WDR36: variants seen among roughly 807,000 people sequenced by gnomAD.
The protein encoded by WDR36 is WD repeat domain 36, also known as WD repeat-containing protein 36.
A neutral mutation model predicts 112.7 loss-of-function variants in WDR36; 63 were observed. The observed-to-expected ratio is 0.56, with a 90% CI of 0.46 to 0.69. WDR36 has a LOEUF of 0.69. Among genes scored for constraint, WDR36 ranks in the 30% least tolerant of loss-of-function variants. WDR36 has a pLI of 0.00. For missense variants in WDR36, 1,226 were observed against 1,070.3 expected, an observed-to-expected ratio of 1.15 and a Z score of -2.03; for synonymous variants, 410 against 362.2, an observed-to-expected ratio of 1.13 and a Z score of -1.50.
chr5:111,114,192 C>G (rs1012298651), intron 16 of WDR36, among the ~76,000 whole-genome samples: 2 of 151,888 alleles, frequency 1.3e-5, no homozygotes, highest in Non-Finnish European at 2.9e-5. Context: ...GGTATAGATA[C>G]CATTTAAAAT....
chr5:111,094,905 T>C lies in WDR36; in HGVS notation c.163-15T>C. On this transcript the variant is annotated splice_polypyrimidine_tract_variant and intron_variant, in intron 1 of 22. Transcript: ENST00000513710. ...TTTGTTAATGAAAATTTAACCTTTT[T>C]TCTTTTTTAAACAGGTTCAGAAACT... 6.3e-7 allele frequency: 1 copy of C among 1,593,030 alleles called. No homozygotes were observed. The highest frequency in any genetic ancestry group is 2.2e-5 in the East Asian group (1 of 44,572).
In WDR36 at chr5:111,094,822, G is replaced by A. The variant is rs878938638; in HGVS notation, c.163-98G>A. 1.8e-4 allele frequency: 174 copies of A among 984,810 alleles called. 1 individual carries two copies. In the South Asian group the frequency reaches 2.4e-3, roughly 14 times the overall value. The allele number at this position is 984,810 out of a possible 1,614,324, so 61.0% of individuals were successfully genotyped here. On this transcript the variant is annotated intron_variant, in intron 1 of 22. Coordinates refer to ENST00000513710, the MANE Select transcript of WDR36 (RefSeq NM_139281.3). Reference sequence around the variant, plus strand: ...TGTCTTTCTTATGAAGGACAGCATAGCAAATATACGTATGAGGTTATATCT... The same window carrying A: ...TGTCTTTCTTATGAAGGACAGCATAACAAATATACGTATGAGGTTATATCT...
intron 6 of WDR36, 37 bp from the exon 7 acceptor site, chr5:111,103,749 C>T: frequency 6.2e-7 from 1 of 1,608,672 alleles, no homozygotes; most frequent in Non-Finnish European, 8.5e-7. Context: ...AGCTATTTTG[C>T]TTAAGAAAGT....
chr5:111,097,695 A>G (rs781768812), intron 3 of WDR36, among the ~76,000 whole-genome samples: 12 of 152,212 alleles, frequency 7.9e-5, no homozygotes, highest in Non-Finnish European at 1.0e-4. Context: ...GTCTAAATCT[A>G]CCAGTTGGTT....
At chr5:111,106,586 G>A (rs758968051) in intron 11 of WDR36, among the ~76,000 whole-genome samples, 5 of 151,350 alleles carry the variant, frequency 3.3e-5, no homozygotes, top group South Asian at 2.1e-4. Flanking sequence ...GGTTTGTTGC[G>A]TGAAATCTAT....
intron 4 of WDR36, 39 bp from the exon 5 acceptor site, chr5:111,100,550 C>T (rs1362904346): frequency 6.0e-6 from 8 of 1,331,504 alleles, no homozygotes; most frequent in Non-Finnish European, 8.3e-6. Flanking sequence ...ACATTTTAAA[C>T]TATTTTATAA....
At chr5:111,101,153 G>C (rs6865932) in intron 5 of WDR36, among the ~76,000 whole-genome samples, 82,335 of 151,626 alleles carry the variant, frequency 0.54, 23,286 homozygotes, top group African/African-American at 0.69. Context: ...CCCACAGGTA[G>C]TGAGATATAA....
rs137928924 is a variant in WDR36, at chr5:111,101,511, G to A, written c.542+790G>A. On this transcript the variant is annotated intron_variant, in intron 5 of 22. Transcript: ENST00000513710. ...ACTTCCATAATCTCCCATAGATATGGCAAATATCTAATATTGATGTAGCTA... is the reference window on the plus strand; with the variant it reads ...ACTTCCATAATCTCCCATAGATATGACAAATATCTAATATTGATGTAGCTA... 2.0e-3 allele frequency among the ~76,000 whole-genome samples: 298 copies of A among 151,856 alleles called. 2 individuals carry two copies. The highest frequency in any genetic ancestry group is 6.5e-3 in the African/African-American group (271 of 41,508).
At chr5:111,108,208 T>G (rs1464500975) in intron 12 of WDR36, among the ~76,000 whole-genome samples, 1 of 151,302 alleles carries the variant, frequency 6.6e-6, no homozygotes, top group Non-Finnish European at 1.5e-5. Flanking sequence ...CTAGTATTCT[T>G]TCTAATGTTA....
chr5:111,125,876 G>A lies in WDR36; in HGVS notation c.2538+81G>A, dbSNP rs77263647. ...TCTAACAGAACTTTCTGCAAAGATG[G>A]GTATGCTGTATATCCATCCTTTCCA... On this transcript the variant is annotated intron_variant, in intron 22 of 22. Transcript: ENST00000513710. The A allele has an allele frequency of 2.3e-3, 3,317 of 1,469,946 alleles. 63 individuals are homozygous for A. The African/African-American group carries it at 0.04, about 18-fold the overall frequency. The allele number at this position is 1,469,946 out of a possible 1,614,324, so 91.1% of individuals were successfully genotyped here.
At chr5:111,117,986 G>T (rs937188031) in intron 16 of WDR36, among the ~76,000 whole-genome samples, 1 of 152,092 alleles carries the variant, frequency 6.6e-6, no homozygotes, top group African/African-American at 2.4e-5. Flanking sequence ...TTTGTTGATT[G>T]TTAGATGATT....
In WDR36 at chr5:111,129,969, C is replaced by G; in HGVS notation, c.*3086C>G. ...ATATGTCTGATTTGAAATGCTGTTT[C>G]ATTATGTGTTAAATTCTTTCACTGA... On this transcript the variant is annotated 3_prime_UTR_variant, in exon 23 of 23. Coordinates refer to ENST00000513710, the MANE Select transcript of WDR36 (RefSeq NM_139281.3). 1 of 211,106 alleles carries G rather than the reference C, an allele frequency of 4.7e-6. No homozygotes were observed. The highest frequency in any genetic ancestry group is 9.6e-6 in the Non-Finnish European group (1 of 104,168). The allele number at this position is 211,106 out of a possible 1,614,324, so 13.1% of individuals were successfully genotyped here.
chr5:111,106,005 T>A (rs1753215402), intron 10 of WDR36, 52 bp from the exon 11 acceptor site: 1 of 1,399,180 alleles, frequency 7.1e-7, no homozygotes, highest in Admixed American at 1.7e-5. Flanking sequence ...ATATACACTT[T>A]TTATTAAGAA....
chr5:111,120,434 G>C, intron 17 of WDR36, 62 bp from the exon 18 acceptor site: 3 of 1,247,564 alleles, frequency 2.4e-6, no homozygotes, highest in Non-Finnish European at 3.5e-6. Context: ...AGATTGTAGA[G>C]TGTTTCTCTG....
At chr5:111,107,145 C>G (rs2112575009) in intron 11 of WDR36, 149 bp from the exon 12 acceptor site, 1 of 899,464 alleles carries the variant, frequency 1.1e-6, no homozygotes, top group East Asian at 2.7e-5. Flanking sequence ...AAAATAATCT[C>G]TTGTTAGATT....
At chr5:111,098,972 A>C (rs1258021264) in intron 4 of WDR36, 133 bp downstream of exon 4, 7 of 670,712 alleles carry the variant, frequency 1.0e-5, no homozygotes, top group Non-Finnish European at 1.8e-5. Flanking sequence ...AAAAATCTTT[A>C]ACGTGTAAGA....
At chr5:111,098,059 A>AT (rs1269899446) in intron 3 of WDR36, among the ~76,000 whole-genome samples, 1 of 152,204 alleles carries the variant, frequency 6.6e-6, no homozygotes, top group South Asian at 2.1e-4. Flanking sequence ...GGAGACTTTA[A>AT]TAAAGGACCT....
At chr5:111,112,329 C>A (rs925753835) in intron 15 of WDR36, among the ~76,000 whole-genome samples, 1 of 151,976 alleles carries the variant, frequency 6.6e-6, no homozygotes, top group African/African-American at 2.4e-5. Context: ...TCTTTCCCAT[C>A]CTTTACTATC....
Position 111,092,577 on chromosome 5 carries a change from T to C in WDR36, c.121T>C (p.Tyr41His). 1.2e-6 allele frequency: 2 copies of C among 1,614,038 alleles called. No homozygotes were observed. Among genetic ancestry groups the C allele is most frequent in the Non-Finnish European group, 1.7e-6 (2 of 1,179,932 alleles). Residue 41 changes from tyrosine to histidine, a missense_variant, in exon 1 of 23, where the codon TAT becomes CAT. Coordinates refer to ENST00000513710, the MANE Select transcript of WDR36 (RefSeq NM_139281.3). The stretch of plus-strand genomic sequence containing the variant: ...GTTCAGCGCGCTCAAGCGCCGGTTC[T>C]ATGTAACAACCTGCGTGGGCAAGAG... ...VRFSALKRRF[Y>H]VTTCVGKSFH...
Sources: gnomAD v4.1 joint callset for allele counts (sites outside exome capture counted in the v4.1 genomes callset) on GRCh38, gnomAD v4.1.1 for gene constraint, MANE v1.5 for transcripts, NCBI Gene and HGNC (gene_info 2026-07-23, HGNC 2026-07-21) for gene names.